Variants in GMDS observed in about 807,000 individuals in gnomAD.
GMDS encodes GDP-mannose 4,6 dehydratase.
GMDS carries 20 observed loss-of-function variants against 49.9 expected under a neutral mutation model. The observed-to-expected ratio is 0.40, with a 90% confidence interval of 0.28 to 0.58. The LOEUF (loss-of-function observed/expected upper bound fraction) is 0.58. Among genes scored for constraint, GMDS ranks in the 20% least tolerant of loss-of-function variants. The pLI is 0.42. For synonymous variants in GMDS, 177 were observed against 178.6 expected (o/e 0.99, Z 0.07); for missense variants, 362 against 481.4 (o/e 0.75, Z 2.32).
At chr6:2,041,761 A>C (rs1769697734) in intron 4 of GMDS, among the ~76,000 whole-genome samples, 1 of 152,198 alleles carries the variant, frequency 6.6e-6, no homozygotes, top group Non-Finnish European at 1.5e-5. Flanking sequence ...ACCATATGAC[A>C]TTGTAAAAAC....
At chr6:1,883,228 T>C (rs1481108349) in intron 7 of GMDS, among the ~76,000 whole-genome samples, 1 of 151,844 alleles carries the variant, frequency 6.6e-6, no homozygotes, top group Non-Finnish European at 1.5e-5. Context: ...CCATCTCTAC[T>C]AAAAATACAA....
intron 1 of GMDS, among the ~76,000 whole-genome samples, chr6:2,147,573 A>G (rs1488822175): frequency 2.6e-5 from 4 of 151,986 alleles, no homozygotes; most frequent in Non-Finnish European, 5.9e-5. Context: ...GCGTTAAGAC[A>G]TTGGAAACCT....
intron 4 of GMDS, among the ~76,000 whole-genome samples, chr6:2,078,625 A>T (rs1383437352): frequency 6.6e-6 from 1 of 152,070 alleles, no homozygotes; most frequent in East Asian, 1.9e-4. Context: ...TTCTGAGGAC[A>T]TAGTTGATAT....
chr6:2,066,235 C>T (rs1311932258), intron 4 of GMDS, among the ~76,000 whole-genome samples: 1 of 149,910 alleles, frequency 6.7e-6, no homozygotes, highest in Non-Finnish European at 1.5e-5. Flanking sequence ...TTTGTCACCA[C>T]CAGGCCTGCC....
chr6:1,869,955 G>C (rs960560943), intron 7 of GMDS, among the ~76,000 whole-genome samples: 1 of 152,230 alleles, frequency 6.6e-6, no homozygotes, highest in African/African-American at 2.4e-5. Flanking sequence ...TTCTGCCGCA[G>C]GGTGGGTACA....
chr6:1,917,777 G>A (rs188988653), intron 7 of GMDS, among the ~76,000 whole-genome samples: 2 of 152,284 alleles, frequency 1.3e-5, no homozygotes, highest in East Asian at 1.9e-4. Flanking sequence ...GATGCCAGCC[G>A]AGTCACCTTC....
At chr6:2,244,965 C>T (rs925536006) in intron 1 of GMDS, among the ~76,000 whole-genome samples, 1 of 152,214 alleles carries the variant, frequency 6.6e-6, no homozygotes, top group Non-Finnish European at 1.5e-5. Context: ...GGTTCTTTTC[C>T]CTTTCCGGCA....
chr6:1,802,731 T>G (rs1386857864), intron 7 of GMDS, among the ~76,000 whole-genome samples: 1 of 152,236 alleles, frequency 6.6e-6, no homozygotes, highest in Non-Finnish European at 1.5e-5. Flanking sequence ...ATGAACTTAC[T>G]GTTACCTTTT....
chr6:1,842,762 G>C lies in GMDS; in HGVS notation c.771+87341C>G, dbSNP rs562723897. Among the ~76,000 whole-genome samples the C allele has an allele frequency of 1.2e-4, 19 of 152,280 alleles. No individual in the cohort carries two copies. In the South Asian group the frequency reaches 2.5e-3, roughly 20 times the overall value. ...GTGGGGATAGGGGATAAACTGCCTA[G>C]TATTTCTTGCTTTCAAAGGTTGCAA... On this transcript the variant is annotated intron_variant, in intron 7 of 10. Transcript: ENST00000380815.
intron 4 of GMDS, among the ~76,000 whole-genome samples, chr6:2,082,352 C>G (rs1408493583): frequency 6.6e-6 from 1 of 152,146 alleles, no homozygotes; most frequent in Non-Finnish European, 1.5e-5. Flanking sequence ...GACAGGGAGA[C>G]AGTCAACAGA....
intron 9 of GMDS, among the ~76,000 whole-genome samples, chr6:1,657,979 C>T (rs1216616179): frequency 6.6e-6 from 1 of 152,188 alleles, no homozygotes; most frequent in Non-Finnish European, 1.5e-5. Context: ...ACAGGCCTGC[C>T]TTGCGTAGCG....
chr6:1,983,773 G>C (rs1384500682), intron 4 of GMDS, among the ~76,000 whole-genome samples: 1 of 152,210 alleles, frequency 6.6e-6, no homozygotes, highest in Non-Finnish European at 1.5e-5. Flanking sequence ...CTGTTGGTTG[G>C]AGTGTAAATT....
intron 7 of GMDS, among the ~76,000 whole-genome samples, chr6:1,781,656 T>C (rs1292816946): frequency 6.6e-6 from 1 of 152,174 alleles, no homozygotes; most frequent in Non-Finnish European, 1.5e-5. Context: ...GCCCTCTGAA[T>C]TGTCAGCCGG....
chr6:2,125,941 A>G (rs540260955), intron 1 of GMDS, among the ~76,000 whole-genome samples: 36 of 152,350 alleles, frequency 2.4e-4, no homozygotes, highest in African/African-American at 8.4e-4. Flanking sequence ...TTTCCTTTGT[A>G]TTAATCTTAA....
At chr6:1,807,487 A>T (rs1770228610) in intron 7 of GMDS, among the ~76,000 whole-genome samples, 1 of 152,230 alleles carries the variant, frequency 6.6e-6, no homozygotes. Context: ...GGGTAGACCC[A>T]TGGACTGTGA....
At chr6:2,139,338 ATTAT>A (rs1371661050) in intron 1 of GMDS, among the ~76,000 whole-genome samples, 4 of 152,248 alleles carry the variant, frequency 2.6e-5, no homozygotes, top group Non-Finnish European at 5.9e-5. Context: ...TACTGAATAA[ATTAT>A]TTGACACCAG....
intron 7 of GMDS, among the ~76,000 whole-genome samples, chr6:1,824,411 C>G (rs1056315876): frequency 6.6e-6 from 1 of 152,150 alleles, no homozygotes; most frequent in Non-Finnish European, 1.5e-5. Context: ...TATACCGCCG[C>G]GCCCCGCCCC....
intron 4 of GMDS, among the ~76,000 whole-genome samples, chr6:2,034,587 A>T (rs1769175394): frequency 6.6e-6 from 1 of 152,210 alleles, no homozygotes; most frequent in Non-Finnish European, 1.5e-5. Context: ...CTGTTATTAA[A>T]AAACGTAACA....
At chr6:1,713,038 C>T (rs1766027746) in intron 9 of GMDS, among the ~76,000 whole-genome samples, 1 of 152,176 alleles carries the variant, frequency 6.6e-6, no homozygotes, top group African/African-American at 2.4e-5. Context: ...CCCAAAGCAA[C>T]AAATCCATCA....
Sources: allele counts gnomAD v4.1 joint callset (sites outside exome capture counted in the v4.1 genomes callset), GRCh38; gene constraint gnomAD v4.1.1; transcripts MANE v1.5; gene names NCBI Gene and HGNC (gene_info 2026-07-23, HGNC 2026-07-21).